Variants in PPP2R2C observed in about 807,000 individuals in gnomAD.
PPP2R2C encodes protein phosphatase 2 regulatory subunit Bgamma.
Under a neutral mutation model 45.3 loss-of-function variants are expected in PPP2R2C, and 10 were observed. The observed-to-expected ratio is 0.22, with a 90% CI of 0.14 to 0.37. The LOEUF is 0.37. Among genes scored for constraint, PPP2R2C ranks in the 10% least tolerant of loss-of-function variants. The probability of loss-of-function intolerance (pLI) is 1.00; values close to 1 mark genes in which losing one functional copy is unlikely to be tolerated. For missense variants in PPP2R2C, 308 were observed against 619.7 expected (o/e 0.50, Z 5.34); for synonymous variants, 257 against 245.4 (o/e 1.05, Z -0.44).
At chr4:6,486,673 T>C (rs1577216594) in intron 2 of PPP2R2C, among the ~76,000 whole-genome samples, 1 of 152,140 alleles carries the variant, frequency 6.6e-6, no homozygotes, top group African/African-American at 2.4e-5. Context: ...ACTGCAGCTT[T>C]CCTTTGATTA....
chr4:6,429,249 C>T (rs1258696029), intron 1 of PPP2R2C, among the ~76,000 whole-genome samples: 2 of 152,246 alleles, frequency 1.3e-5, no homozygotes, highest in Non-Finnish European at 2.9e-5. Context: ...GACCGTGACG[C>T]TGCCATTTCT....
chr4:6,333,112 G>A (rs1419810387), intron 7 of PPP2R2C, among the ~76,000 whole-genome samples: 1 of 152,218 alleles, frequency 6.6e-6, no homozygotes, highest in East Asian at 1.9e-4. Context: ...TGAGGATCTG[G>A]AAAGGAAACA....
chr4:6,430,537 A>T (rs1332229079), intron 1 of PPP2R2C, among the ~76,000 whole-genome samples: 5 of 152,194 alleles, frequency 3.3e-5, no homozygotes, highest in Non-Finnish European at 7.3e-5. Context: ...AGGAGAGTGC[A>T]CGCCTCCTCG....
At chr4:6,405,249 G>T (rs575012689) in intron 1 of PPP2R2C, among the ~76,000 whole-genome samples, 1 of 152,110 alleles carries the variant, frequency 6.6e-6, no homozygotes, top group Non-Finnish European at 1.5e-5. Flanking sequence ...CAGAACTCCC[G>T]CACAGCAGAG....
intron 1 of PPP2R2C, among the ~76,000 whole-genome samples, chr4:6,543,201 C>A (rs775446073): frequency 6.6e-6 from 1 of 152,206 alleles, no homozygotes; most frequent in Non-Finnish European, 1.5e-5. Flanking sequence ...AGCCCCTGAG[C>A]TCCTCACAGT....
intron 5 of PPP2R2C, among the ~76,000 whole-genome samples, chr4:6,355,993 G>GAAAAAAACA (rs1713145374): frequency 1.0e-5 from 1 of 97,904 alleles, no homozygotes; most frequent in Non-Finnish European, 2.1e-5. Context: ...ACTCTGCCTG[G>GAAAAAAACA]AAAAAAAAAA....
intron 1 of PPP2R2C, among the ~76,000 whole-genome samples, chr4:6,443,218 G>A (rs1050141359): frequency 5.8e-4 from 88 of 152,172 alleles, no homozygotes; most frequent in Non-Finnish European, 8.8e-4. Flanking sequence ...GTGCCCGGCC[G>A]CCGCCTGGCA....
At position 6,471,350 on chromosome 4, in the gene PPP2R2C, C is replaced by A. The variant is rs1044809159; in HGVS notation, c.70+810G>T. Among the ~76,000 whole-genome samples the A allele has an allele frequency of 1.1e-4, 16 of 152,110 alleles. No homozygotes were observed. Among genetic ancestry groups the A allele is most frequent in the African/African-American group, 3.9e-4 (16 of 41,438 alleles). ...GCGCACGGAAGCTGTCCCCACTGTT[C>A]CCCTAGCGAGGCAGACCAGGGGGCC... is the stretch of plus-strand genomic sequence containing the variant. On this transcript the variant is annotated intron_variant, in intron 1 of 8. Coordinates refer to ENST00000382599, the MANE Select transcript of PPP2R2C (RefSeq NM_020416.4). This position sits in a 1 kb window ranked among gnomAD's most constrained non-coding sequence, Gnocchi z 5.6.
At chr4:6,548,345 C>T (rs1393480584) in intron 1 of PPP2R2C, among the ~76,000 whole-genome samples, 1 of 152,198 alleles carries the variant, frequency 6.6e-6, no homozygotes, top group Non-Finnish European at 1.5e-5. Context: ...GGATGACAAC[C>T]CACCTTCTCC....
intron 2 of PPP2R2C, among the ~76,000 whole-genome samples, chr4:6,493,888 C>T (rs1017266781): frequency 1.3e-5 from 2 of 152,238 alleles, no homozygotes; most frequent in African/African-American, 4.8e-5. Context: ...TACCTAGCAA[C>T]AGCCATAAAT....
At chr4:6,473,876 A>C (rs1340265709), upstream of PPP2R2C, among the ~76,000 whole-genome samples, 1 of 152,142 alleles carries the variant, frequency 6.6e-6, no homozygotes, top group African/African-American at 2.4e-5. Flanking sequence ...ACCTATGAGG[A>C]GATGAAAGCC....
At chr4:6,553,744 T>A (rs539169038) in intron 1 of PPP2R2C, among the ~76,000 whole-genome samples, 2 of 152,248 alleles carry the variant, frequency 1.3e-5, no homozygotes, top group East Asian at 3.9e-4. Flanking sequence ...GCTGCCATGC[T>A]CAGTAGACCT....
chr4:6,494,497 C>T (rs532075177), intron 2 of PPP2R2C, among the ~76,000 whole-genome samples: 1 of 152,350 alleles, frequency 6.6e-6, no homozygotes, highest in East Asian at 1.9e-4. Flanking sequence ...GAATGTAACA[C>T]CGAAGCACTG....
chr4:6,351,371 T>C (rs1211367560), intron 5 of PPP2R2C: 2 of 983,488 alleles, frequency 2.0e-6, no homozygotes, highest in Non-Finnish European at 2.4e-6. Context: ...CTCCATTAGG[T>C]CTGTAGCCCT....
intron 1 of PPP2R2C, among the ~76,000 whole-genome samples, chr4:6,385,286 T>C (rs185067619): frequency 1.1e-4 from 16 of 152,316 alleles, no homozygotes; most frequent in Admixed American, 9.2e-4. Context: ...CTCTGGCCCA[T>C]GAAGGAGCTA....
intron 1 of PPP2R2C, among the ~76,000 whole-genome samples, chr4:6,561,887 G>A (rs1725589295): frequency 6.6e-6 from 1 of 152,226 alleles, no homozygotes; most frequent in African/African-American, 2.4e-5. Flanking sequence ...GAAAGGCCAT[G>A]TGGCATTCAC....
intron 1 of PPP2R2C, among the ~76,000 whole-genome samples, chr4:6,470,675 G>C (rs1266828734): frequency 6.6e-6 from 1 of 152,184 alleles, no homozygotes; most frequent in Non-Finnish European, 1.5e-5. Context: ...GCTGCGAGCA[G>C]AAACCACATC....
At chr4:6,548,552 G>C (rs767021953) in intron 1 of PPP2R2C, among the ~76,000 whole-genome samples, 1 of 152,324 alleles carries the variant, frequency 6.6e-6, no homozygotes, top group East Asian at 1.9e-4. Context: ...GGTTTATTGG[G>C]AGGTCACACT....
In PPP2R2C at chr4:6,345,526, G is replaced by T. The variant is rs573472047; in HGVS notation, c.790+2320C>A. On this transcript the variant is annotated intron_variant, in intron 6 of 8. Coordinates refer to ENST00000382599, the MANE Select transcript of PPP2R2C (RefSeq NM_020416.4). The surrounding 1 kb of genome is among the most constrained non-coding windows in gnomAD (Gnocchi z 5.3). ...AAGGCGATCACAAGGGCCTTTATACGCGAAAGACAGACAGGAGGGTCAGAG... is the reference window on the plus strand; with the variant it reads ...AAGGCGATCACAAGGGCCTTTATACTCGAAAGACAGACAGGAGGGTCAGAG... 6.6e-6 allele frequency among the ~76,000 whole-genome samples: 1 copy of T among 152,160 alleles called. No homozygotes were observed. Among genetic ancestry groups the T allele is most frequent in the East Asian group, 1.9e-4 (1 of 5,204 alleles).
Sources: gnomAD v4.1 joint callset for allele counts (sites outside exome capture counted in the v4.1 genomes callset) on GRCh38, gnomAD v4.1.1 for gene constraint, Gnocchi (gnomAD v3.1) non-coding constraint, MANE v1.5 for transcripts, NCBI Gene and HGNC (gene_info 2026-07-23, HGNC 2026-07-21) for gene names.